Variants in PHF21A observed in about 807,000 individuals in gnomAD.
PHF21A encodes the protein PHD finger protein 21A.
In PHF21A, 11 loss-of-function variants were observed where a neutral mutation model predicts 82.5. The ratio of observed to expected loss-of-function variants is 0.13; its 90% CI spans 0.08 to 0.22. PHF21A has a LOEUF of 0.22. Ranked by LOEUF, PHF21A falls within the 10% of genes least tolerant of loss-of-function variation. The pLI, the probability that PHF21A is intolerant of heterozygous loss-of-function variation, is 1.00. For synonymous variants in PHF21A, 297 were observed against 302.8 expected, an observed-to-expected ratio of 0.98 and a Z score of 0.20; for missense variants, 579 against 837.8, an observed-to-expected ratio of 0.69 and a Z score of 3.81.
At chr11:46,017,151 A>G (rs1307126752) in intron 6 of PHF21A, among the ~76,000 whole-genome samples, 1 of 151,894 alleles carries the variant, frequency 6.6e-6, no homozygotes, top group Non-Finnish European at 1.5e-5. Context: ...TTGTATTTTT[A>G]GCAGAGACGG....
intron 6 of PHF21A, chr11:46,027,027 C>T (rs2095759616): frequency 2.0e-5 from 3 of 152,142 alleles, no homozygotes; most frequent in Admixed American, 2.0e-4. Context: ...AGTCTGAGAG[C>T]AGGAACACAC....
chr11:46,110,061 TG>T (rs2097195136), intron 1 of PHF21A, among the ~76,000 whole-genome samples: 1 of 152,080 alleles, frequency 6.6e-6, no homozygotes, highest in African/African-American at 2.4e-5. Context: ...TATTTAAAAT[TG>T]TATAATATTA....
intron 6 of PHF21A, among the ~76,000 whole-genome samples, chr11:46,020,243 C>T (rs1191391079): frequency 6.6e-6 from 1 of 152,184 alleles, no homozygotes; most frequent in Non-Finnish European, 1.5e-5. Context: ...TTGACATTCT[C>T]AGACATGGCA....
At chr11:46,055,913 T>C (rs1297000363) in intron 6 of PHF21A, among the ~76,000 whole-genome samples, 1 of 152,166 alleles carries the variant, frequency 6.6e-6, no homozygotes, top group African/African-American at 2.4e-5. Context: ...CAGTTCCCAT[T>C]TGGCAGGTGT....
At chr11:46,070,820 A>G (rs1200613543) in intron 6 of PHF21A, among the ~76,000 whole-genome samples, 1 of 152,230 alleles carries the variant, frequency 6.6e-6, no homozygotes, top group Non-Finnish European at 1.5e-5. Context: ...CAAACGGCAA[A>G]TTCTTTGAAA....
At chr11:45,987,251 A>AATGAATGTATGTATGT (rs1555052248) in intron 6 of PHF21A, among the ~76,000 whole-genome samples, 1 of 148,446 alleles carries the variant, frequency 6.7e-6, no homozygotes, top group Non-Finnish European at 1.5e-5. Flanking sequence ...ATCATAAATA[A>AATGAATGTATGTATGT]ATGTATGTAT....
chr11:46,048,271 C>T (rs911644769), intron 6 of PHF21A, among the ~76,000 whole-genome samples: 5 of 152,122 alleles, frequency 3.3e-5, no homozygotes, highest in Admixed American at 1.3e-4. Flanking sequence ...GGCCTTTTGT[C>T]ATTGGCTTCT....
intron 8 of PHF21A, chr11:45,970,110 C>T: frequency 1.9e-6 from 1 of 520,108 alleles, no homozygotes; most frequent in South Asian, 2.3e-5. Flanking sequence ...ACCAACCACA[C>T]TTCTGTTTCC....
chr11:46,082,525 T>C (rs1372030578), intron 4 of PHF21A, among the ~76,000 whole-genome samples: 1 of 152,234 alleles, frequency 6.6e-6, no homozygotes. Flanking sequence ...AATAAATGTT[T>C]ATAATCACAC....
At chr11:46,064,456 G>A (rs918850459) in intron 6 of PHF21A, among the ~76,000 whole-genome samples, 4 of 152,138 alleles carry the variant, frequency 2.6e-5, no homozygotes, top group African/African-American at 9.7e-5. Flanking sequence ...AGAGAGGTTA[G>A]CCAAACCCTG....
At chr11:46,083,789 T>C (rs1330656386) in intron 4 of PHF21A, among the ~76,000 whole-genome samples, 1 of 152,228 alleles carries the variant, frequency 6.6e-6, no homozygotes, top group Non-Finnish European at 1.5e-5. Context: ...TCATATGATC[T>C]GTAAAAACTT....
At chr11:46,074,098 A>G (rs1420501273) in intron 6 of PHF21A, among the ~76,000 whole-genome samples, 1 of 151,996 alleles carries the variant, frequency 6.6e-6, no homozygotes, top group African/African-American at 2.4e-5. Context: ...AATAGTGACT[A>G]TCTGCAATGG....
intron 6 of PHF21A, among the ~76,000 whole-genome samples, chr11:46,070,181 A>C (rs1445747892): frequency 6.6e-6 from 1 of 152,228 alleles, no homozygotes; most frequent in African/African-American, 2.4e-5. Context: ...GAGGGACAGA[A>C]ACTTCTTTCC....
At position 46,095,972 on chromosome 11, in the gene PHF21A, T is replaced by C. The variant is rs904271765; in HGVS notation, c.-236-3749A>G. Among the ~76,000 whole-genome samples the C allele has an allele frequency of 5.3e-5, 8 of 152,286 alleles. No homozygotes were observed. The East Asian group carries it at 1.4e-3, about 26-fold the overall frequency. ...TCTTCCCCTTACTATACCAAGCTGA[T>C]AGAGGCCCCCAAACTGAGTTTTATA... is the stretch of plus-strand genomic sequence containing the variant. On this transcript the variant is annotated intron_variant, in intron 1 of 18. Coordinates refer to ENST00000676320, the MANE Select transcript of PHF21A (RefSeq NM_001352027.3).
At chr11:46,036,374 A>T (rs1473170766) in intron 6 of PHF21A, among the ~76,000 whole-genome samples, 2 of 152,234 alleles carry the variant, frequency 1.3e-5, no homozygotes, top group African/African-American at 2.4e-5. Flanking sequence ...GAAATGTAAC[A>T]TTCTCCTTAA....
At chr11:45,974,546 T>C (rs1414130332) in intron 7 of PHF21A, among the ~76,000 whole-genome samples, 1 of 152,018 alleles carries the variant, frequency 6.6e-6, no homozygotes. Context: ...CTTGACCTCC[T>C]GGGCTCAAGT....
intron 1 of PHF21A, chr11:46,119,922 C>A (rs1593522729): frequency 6.8e-6 from 1 of 146,384 alleles, no homozygotes; most frequent in Non-Finnish European, 1.5e-5. Flanking sequence ...CGGCCGCGGC[C>A]CCTCTCGGAG....
intron 7 of PHF21A, among the ~76,000 whole-genome samples, chr11:45,973,440 A>G (rs560247776): frequency 1.3e-5 from 2 of 152,308 alleles, no homozygotes; most frequent in East Asian, 1.9e-4. Context: ...GCATATACAC[A>G]TATTATCTAA....
intron 1 of PHF21A, among the ~76,000 whole-genome samples, chr11:46,115,146 AGAGACTTGCAG>A (rs910439427): frequency 6.6e-6 from 1 of 152,028 alleles, no homozygotes; most frequent in African/African-American, 2.4e-5. Flanking sequence ...GGGAGAGGGG[AGAGACTTGCAG>A]GGTACTGAAA....
Sources: gnomAD v4.1 joint callset for allele counts (sites outside exome capture counted in the v4.1 genomes callset) on GRCh38, gnomAD v4.1.1 for gene constraint, MANE v1.5 for transcripts, NCBI Gene and HGNC (gene_info 2026-07-23, HGNC 2026-07-21) for gene names.